The following STARD13 variants were observed in gnomAD, a reference collection of about 807,000 sequenced individuals.
STARD13 encodes the protein StAR related lipid transfer domain containing 13, also known as stAR-related lipid transfer protein 13.
Under a neutral mutation model 106.4 loss-of-function variants are expected in STARD13, and 62 were observed. That is an observed-to-expected ratio of 0.58 (90% CI 0.48 to 0.72). STARD13 has a LOEUF of 0.72. Among genes scored for constraint, STARD13 ranks in the 30% least tolerant of loss-of-function variants. The probability of loss-of-function intolerance (pLI) is 0.00; values close to 1 mark genes in which losing one functional copy is unlikely to be tolerated. For missense variants in STARD13, 1,387 were observed against 1,424.0 expected, an observed-to-expected ratio of 0.97 and a Z score of 0.42; for synonymous variants, 565 against 553.0, an observed-to-expected ratio of 1.02 and a Z score of -0.31.
At chr13:33,675,638 A>G in the STARD13 span, among the ~76,000 whole-genome samples, 4 of 152,334 alleles carry the variant, frequency 2.6e-5, no homozygotes, top group East Asian at 3.9e-4. Context: ...AAAAGGGTAC[A>G]GTGAGGGTTT....
the STARD13 span, among the ~76,000 whole-genome samples, chr13:33,598,865 A>G: frequency 6.6e-6 from 1 of 152,342 alleles, no homozygotes; most frequent in South Asian, 2.1e-4. Context: ...CTAACTTGTA[A>G]ATTCATGCCA....
the STARD13 span, among the ~76,000 whole-genome samples, chr13:33,441,587 T>C: frequency 2.0e-5 from 3 of 152,118 alleles, no homozygotes; most frequent in Non-Finnish European, 4.4e-5. Context: ...AGAGAAAAGG[T>C]ATACAGTAAA....
chr13:33,557,360 G>C, the STARD13 span, among the ~76,000 whole-genome samples: 1 of 152,070 alleles, frequency 6.6e-6, no homozygotes, highest in Non-Finnish European at 1.5e-5. Flanking sequence ...TTTCCAAGTA[G>C]CATAATACTC....
At chr13:33,381,714 T>TG in the STARD13 span, among the ~76,000 whole-genome samples, 4 of 152,284 alleles carry the variant, frequency 2.6e-5, no homozygotes, top group Admixed American at 6.5e-5. Flanking sequence ...CACTCCAGCC[T>TG]GGGTGACAGA....
Position 33,129,192 on chromosome 13 carries a change from C to A in STARD13, c.1485G>T (p.Gly495=). ...ACCAGTCATCGACTACCTCTTGGAGCCCATTGACATGCTGCAGAATGTCAT... is the reference window on the plus strand; with the variant it reads ...ACCAGTCATCGACTACCTCTTGGAGACCATTGACATGCTGCAGAATGTCAT... ...HLDDILQHVN[G]LQEVVDDWSK... is the part of the protein sequence containing the mutation. Residue 495 remains glycine, a synonymous_variant, in exon 5 of 14, where the codon GGG becomes GGT. Coordinates refer to ENST00000336934, the MANE Select transcript of STARD13 (RefSeq NM_178006.4). 1 of 1,614,164 alleles carries A rather than the reference C, an allele frequency of 6.2e-7. No homozygotes were observed. Among genetic ancestry groups the A allele is most frequent in the Middle Eastern group, 1.6e-4 (1 of 6,062 alleles).
intron 1 of STARD13, among the ~76,000 whole-genome samples, chr13:33,308,295 A>G (rs939899502): frequency 2.0e-5 from 3 of 152,200 alleles, no homozygotes; most frequent in African/African-American, 7.2e-5. Flanking sequence ...CAGACAGTGC[A>G]TGGCGAAAAT....
the STARD13 span, among the ~76,000 whole-genome samples, chr13:33,403,203 C>T: frequency 1.3e-5 from 2 of 152,208 alleles, no homozygotes; most frequent in South Asian, 4.1e-4. Context: ...GTTTGAGCAA[C>T]AACGATGACC....
the STARD13 span, among the ~76,000 whole-genome samples, chr13:33,661,051 G>C: frequency 6.6e-6 from 1 of 152,122 alleles, no homozygotes; most frequent in African/African-American, 2.4e-5. Context: ...AATATTATTT[G>C]TTATTTACCT....
chr13:33,529,859 G>A, the STARD13 span, among the ~76,000 whole-genome samples: 2 of 152,262 alleles, frequency 1.3e-5, no homozygotes, highest in Admixed American at 1.3e-4. Context: ...ATCCAATGAT[G>A]CCTAGGGGGT....
chr13:33,285,428 G>A (rs1241008846), intron 1 of STARD13, 42 bp downstream of exon 1: 1 of 1,584,528 alleles, frequency 6.3e-7, no homozygotes, highest in Admixed American at 1.8e-5. Flanking sequence ...AGAGCCAACA[G>A]AAATCAGAAT....
chr13:33,451,349 A>G, the STARD13 span, among the ~76,000 whole-genome samples: 1 of 152,250 alleles, frequency 6.6e-6, no homozygotes, highest in Admixed American at 6.5e-5. Flanking sequence ...TTTATAATCT[A>G]GAAGCAACAT....
At chr13:33,284,640 T>G (rs1355807128) in intron 1 of STARD13, among the ~76,000 whole-genome samples, 3 of 152,142 alleles carry the variant, frequency 2.0e-5, no homozygotes, top group Non-Finnish European at 4.4e-5. Context: ...GATCATTAAC[T>G]GACTGTAAAC....
chr13:33,615,612 C>T, the STARD13 span, among the ~76,000 whole-genome samples: 1 of 152,250 alleles, frequency 6.6e-6, no homozygotes, highest in South Asian at 2.1e-4. Context: ...AAGAAACTTT[C>T]CAGGGTAACC....
At chr13:33,306,747 C>T (rs943644750) in intron 1 of STARD13, among the ~76,000 whole-genome samples, 31 of 152,120 alleles carry the variant, frequency 2.0e-4, no homozygotes, top group African/African-American at 6.5e-4. Context: ...GTCAGGAGTT[C>T]GAGACCAGCC....
At chr13:33,507,093 T>G in the STARD13 span, among the ~76,000 whole-genome samples, 1 of 152,154 alleles carries the variant, frequency 6.6e-6, no homozygotes, top group South Asian at 2.1e-4. Flanking sequence ...AGAATGAGAC[T>G]GTCTCATAAA....
At chr13:33,402,961 G>C in the STARD13 span, among the ~76,000 whole-genome samples, 4 of 152,252 alleles carry the variant, frequency 2.6e-5, no homozygotes, top group Non-Finnish European at 5.9e-5. Flanking sequence ...GGGACACTGG[G>C]CAAGAGCTCG....
At chr13:33,140,914 A>G (rs906352153) in intron 4 of STARD13, among the ~76,000 whole-genome samples, 38 of 152,026 alleles carry the variant, frequency 2.5e-4, no homozygotes, top group Non-Finnish European at 4.4e-4. Flanking sequence ...GTGTGCCACC[A>G]TGCCCAGCTA....
the STARD13 span, chr13:33,661,218 T>C: frequency 5.3e-5 from 8 of 152,286 alleles, no homozygotes; most frequent in East Asian, 1.9e-4. Context: ...TGGAGTGACC[T>C]AAACTGGAGG....
the STARD13 span, among the ~76,000 whole-genome samples, chr13:33,636,386 G>C: frequency 6.6e-6 from 1 of 152,082 alleles, no homozygotes; most frequent in Non-Finnish European, 1.5e-5. Context: ...TGCTGTGATT[G>C]CATTTTGAGT....
Sources: allele counts gnomAD v4.1 joint callset (sites outside exome capture counted in the v4.1 genomes callset), GRCh38; gene constraint gnomAD v4.1.1; transcripts MANE v1.5; gene names NCBI Gene and HGNC (gene_info 2026-07-23, HGNC 2026-07-21).